The following PGM5 variants were observed in gnomAD, a reference collection of about 807,000 sequenced individuals.
PGM5 encodes phosphoglucomutase 5.
A neutral mutation model predicts 59.2 loss-of-function variants in PGM5; 23 were observed. The observed-to-expected ratio is 0.39, with a 90% CI of 0.28 to 0.55. The LOEUF (loss-of-function observed/expected upper bound fraction) is 0.55. Among genes scored for constraint, PGM5 ranks in the 20% least tolerant of loss-of-function variants. PGM5 has a pLI of 0.66. For missense variants in PGM5, 574 were observed against 748.3 expected, an observed-to-expected ratio of 0.77 and a Z score of 2.72; for synonymous variants, 214 against 286.0, an observed-to-expected ratio of 0.75 and a Z score of 2.54.
At chr9:68,423,166 A>G (rs1554682469) in intron 6 of PGM5, among the ~76,000 whole-genome samples, 1 of 151,740 alleles carries the variant, frequency 6.6e-6, no homozygotes, top group Non-Finnish European at 1.5e-5. Flanking sequence ...CCTATTGTGA[A>G]TTGTGCTGCT....
At chr9:68,439,665 C>T (rs1277536690) in intron 6 of PGM5, among the ~76,000 whole-genome samples, 3 of 148,412 alleles carry the variant, frequency 2.0e-5, no homozygotes, top group African/African-American at 7.4e-5. Flanking sequence ...CATATATACA[C>T]ATGTGTATAT....
At chr9:68,431,739 A>C in intron 6 of PGM5, among the ~76,000 whole-genome samples, 1 of 152,052 alleles carries the variant, frequency 6.6e-6, no homozygotes, top group East Asian at 1.9e-4. Context: ...ATTTATTAGG[A>C]CTCTGTGCCA....
intron 7 of PGM5, among the ~76,000 whole-genome samples, chr9:68,474,154 G>A (rs185916155): frequency 1.2e-3 from 178 of 152,260 alleles, no homozygotes; most frequent in African/African-American, 4.0e-3. Context: ...TATTGGCTCA[G>A]GGTGAGACCT....
intron 7 of PGM5, among the ~76,000 whole-genome samples, chr9:68,469,205 G>A (rs7031619): frequency 0.15 from 23,269 of 152,170 alleles, 3,527 homozygotes; most frequent in African/African-American, 0.37. Flanking sequence ...GGCATGAACC[G>A]CCATGCCGGC....
At chr9:68,404,271 C>T (rs1670106797) in intron 6 of PGM5, among the ~76,000 whole-genome samples, 1 of 152,102 alleles carries the variant, frequency 6.6e-6, no homozygotes, top group Admixed American at 6.6e-5. Flanking sequence ...GGATTACAGG[C>T]ATGTGACACA....
At chr9:68,468,897 C>T (rs781805683) in intron 7 of PGM5, among the ~76,000 whole-genome samples, 1 of 152,156 alleles carries the variant, frequency 6.6e-6, no homozygotes, top group Non-Finnish European at 1.5e-5. Flanking sequence ...AAGAGAAGTA[C>T]ACAAGTGGAA....
chr9:68,393,946 T>C (rs1387434054), intron 6 of PGM5: 3 of 152,148 alleles, frequency 2.0e-5, no homozygotes, highest in Non-Finnish European at 4.4e-5. Flanking sequence ...AGGAATGAAA[T>C]ACTGACACAT....
chr9:68,474,260 C>G (rs1244252994), intron 7 of PGM5, among the ~76,000 whole-genome samples: 1 of 152,118 alleles, frequency 6.6e-6, no homozygotes, highest in Non-Finnish European at 1.5e-5. Flanking sequence ...GAGTTGGCAA[C>G]AGGTGCAAAT....
intron 6 of PGM5, among the ~76,000 whole-genome samples, chr9:68,419,468 G>T (rs1183329255): frequency 6.6e-6 from 1 of 152,168 alleles, no homozygotes; most frequent in Non-Finnish European, 1.5e-5. Context: ...AATTGGTTGT[G>T]GGGAGGATTT....
chr9:68,501,354 T>A (rs1163335566), intron 10 of PGM5, among the ~76,000 whole-genome samples: 1 of 152,056 alleles, frequency 6.6e-6, no homozygotes, highest in Admixed American at 6.6e-5. Flanking sequence ...TAACATAGAG[T>A]AAGATTTTAA....
intron 6 of PGM5, among the ~76,000 whole-genome samples, chr9:68,438,811 A>C (rs1044235733): frequency 2.0e-5 from 3 of 152,206 alleles, no homozygotes; most frequent in Non-Finnish European, 4.4e-5. Flanking sequence ...GGAACTTAAC[A>C]GTCAGAGAGA....
chr9:68,427,717 C>A, intron 6 of PGM5, among the ~76,000 whole-genome samples: 1 of 152,186 alleles, frequency 6.6e-6, no homozygotes, highest in East Asian at 1.9e-4. Context: ...TTTTCCTTGG[C>A]CTCAGACTCT....
chr9:68,481,120 A>G (rs1310695937), intron 8 of PGM5, among the ~76,000 whole-genome samples: 1 of 152,206 alleles, frequency 6.6e-6, no homozygotes, highest in Non-Finnish European at 1.5e-5. Context: ...AGCTTAAGGG[A>G]CAGAAAGAGA....
chr9:68,505,214 G>A (rs769718077), intron 10 of PGM5, among the ~76,000 whole-genome samples: 146 of 152,164 alleles, frequency 9.6e-4, no homozygotes, highest in Non-Finnish European at 1.1e-3. Context: ...CCATGTTAAC[G>A]TTGAAGGCCC....
chr9:68,432,178 T>G (rs1200202250), intron 6 of PGM5, among the ~76,000 whole-genome samples: 1 of 152,036 alleles, frequency 6.6e-6, no homozygotes, highest in Non-Finnish European at 1.5e-5. Context: ...TTTATGTTGT[T>G]TTTTATTTAT....
chr9:68,370,875 G>A (rs2131983046), intron 1 of PGM5, among the ~76,000 whole-genome samples: 2 of 152,306 alleles, frequency 1.3e-5, no homozygotes, highest in South Asian at 4.1e-4. Flanking sequence ...CTATGTCTTG[G>A]TTTCCCCAAG....
intron 6 of PGM5, among the ~76,000 whole-genome samples, chr9:68,392,874 A>G (rs1822401835): frequency 6.6e-6 from 1 of 152,188 alleles, no homozygotes; most frequent in Non-Finnish European, 1.5e-5. Flanking sequence ...GTGTGTATGT[A>G]TAAGTGAGGG....
intron 6 of PGM5, among the ~76,000 whole-genome samples, chr9:68,463,379 T>G (rs964389445): frequency 3.9e-5 from 6 of 152,292 alleles, no homozygotes; most frequent in African/African-American, 1.4e-4. Context: ...TGTTTTTCTC[T>G]TTCAGTTGCT....
intron 2 of PGM5, among the ~76,000 whole-genome samples, chr9:68,383,254 T>C (rs1272293601): frequency 1.3e-5 from 2 of 152,046 alleles, no homozygotes; most frequent in Non-Finnish European, 2.9e-5. Flanking sequence ...AAAAATATTG[T>C]GAGTCACATA....
Sources: gnomAD v4.1 joint callset for allele counts (sites outside exome capture counted in the v4.1 genomes callset) on GRCh38, gnomAD v4.1.1 for gene constraint, MANE v1.5 for transcripts, NCBI Gene and HGNC (gene_info 2026-07-23, HGNC 2026-07-21) for gene names.